Variants in AGO3 observed in about 807,000 individuals in gnomAD.
AGO3 encodes protein argonaute-3.
A neutral mutation model predicts 105.5 loss-of-function variants in AGO3; 16 were observed. That is an observed-to-expected ratio of 0.15 (90% CI 0.10 to 0.23). The LOEUF is 0.23. Ranked by LOEUF, AGO3 falls within the 10% of genes least tolerant of loss-of-function variation. The pLI is 1.00. For missense variants in AGO3, 534 were observed against 1,088.0 expected (o/e 0.49, Z 7.16); for synonymous variants, 340 against 367.3 (o/e 0.93, Z 0.85).
At chr1:36,039,738 T>G in intron 14 of AGO3, 52 bp from the exon 15 acceptor site, 9 of 1,114,594 alleles carry the variant, frequency 8.1e-6, no homozygotes, top group East Asian at 3.1e-5. Context: ...GTAATTTTGA[T>G]TATCATTTAT....
At chr1:35,965,173 T>G (rs530704258) in intron 2 of AGO3, among the ~76,000 whole-genome samples, 13 of 151,704 alleles carry the variant, frequency 8.6e-5, no homozygotes, top group African/African-American at 2.4e-4. Flanking sequence ...TCCCAACAAA[T>G]TAGATCTGTA....
chr1:35,955,971 A>G (rs558102385), intron 2 of AGO3, among the ~76,000 whole-genome samples: 8 of 152,172 alleles, frequency 5.3e-5, no homozygotes, highest in South Asian at 4.1e-4. Context: ...CTGACCATCT[A>G]ATGTGGAATA....
chr1:36,022,252 A>T (rs528146098), intron 11 of AGO3, among the ~76,000 whole-genome samples: 39 of 151,876 alleles, frequency 2.6e-4, no homozygotes, highest in African/African-American at 8.7e-4. Context: ...TTTTTTGTAG[A>T]GACAAAATCT....
At chr1:35,992,279 G>T (rs1569656875) in intron 5 of AGO3, 1 of 152,396 alleles carries the variant, frequency 6.6e-6, no homozygotes, top group East Asian at 1.9e-4. Context: ...AGCCTCTGTT[G>T]TATCTCTTCC....
chr1:36,042,979 G>T (rs1047608232), intron 16 of AGO3, among the ~76,000 whole-genome samples: 6 of 152,150 alleles, frequency 3.9e-5, no homozygotes, highest in Non-Finnish European at 8.8e-5. Context: ...GAAATAATGT[G>T]TTCAAAGTGC....
At chr1:35,973,908 C>T (rs1007997153) in intron 5 of AGO3, among the ~76,000 whole-genome samples, 3 of 152,150 alleles carry the variant, frequency 2.0e-5, no homozygotes, top group African/African-American at 7.2e-5. Context: ...ATGCTAATTG[C>T]ATTCTTGTTT....
chr1:36,017,627 G>A lies in AGO3; in HGVS notation c.1406+3579G>A, dbSNP rs274730. 5.2e-3 allele frequency among the ~76,000 whole-genome samples: 796 copies of A among 152,210 alleles called. 10 individuals carry two copies. The highest frequency in any genetic ancestry group is 0.018 in the African/African-American group (728 of 41,534). ...ATTAACTCCAAACCATAGGCCAGGC[G>A]CAGTGGCTCACACCTGTAATCTGCA... is the stretch of plus-strand genomic sequence containing the variant. On this transcript the variant is annotated intron_variant, in intron 11 of 18. Coordinates refer to ENST00000373191, the MANE Select transcript of AGO3 (RefSeq NM_024852.4).
At chr1:36,037,060 G>A (rs1642044323) in intron 14 of AGO3, among the ~76,000 whole-genome samples, 1 of 150,342 alleles carries the variant, frequency 6.7e-6, no homozygotes, top group African/African-American at 2.5e-5. Context: ...TTTGCTCTCT[G>A]TGTTTGTAAC....
chr1:36,043,555 C>T lies in AGO3; in HGVS notation c.2274+7C>T. On this transcript the variant is annotated splice_region_variant and intron_variant, in intron 17 of 18. Transcript: ENST00000373191. ...TAGCCATGCTGGAATACAGGTAAGCCTACACTTTGGGTAAAATATTTTAAT... is the reference window on the plus strand; with the variant it reads ...TAGCCATGCTGGAATACAGGTAAGCTTACACTTTGGGTAAAATATTTTAAT... The T allele has an allele frequency of 6.3e-7, 1 of 1,586,656 alleles. No homozygotes were observed. Among genetic ancestry groups the T allele is most frequent in the Non-Finnish European group, 8.6e-7 (1 of 1,165,108 alleles).
rs1415363264 is a variant in AGO3, at chr1:36,014,005, G to A, written c.1363G>A (p.Ala455Thr). Residue 455 changes from alanine to threonine, a missense_variant, in exon 11 of 19, where the codon GCT becomes ACT. By Grantham distance (58) the Ala-to-Thr change is moderately conservative (BLOSUM62 0). This residue lies in a region of AGO3 where 373 missense variants were observed against 854.0 expected (regional missense o/e 0.44). Coordinates refer to ENST00000373191, the MANE Select transcript of AGO3 (RefSeq NM_024852.4). ...AGTTGAAATCAAAATGTGGGCTATCGCTTGTTTTGCCACACAGAGGCAGTG... is the reference window on the plus strand; with the variant it reads ...AGTTGAAATCAAAATGTGGGCTATCACTTGTTTTGCCACACAGAGGCAGTG... Reference protein sequence around the residue: ...TGVEIKMWAIACFATQRQCRE... With the variant: ...TGVEIKMWAITCFATQRQCRE... The A allele has an allele frequency of 1.9e-5, 31 of 1,614,080 alleles. No individual in the cohort carries two copies. The highest frequency in any genetic ancestry group is 2.4e-5 in the Non-Finnish European group (28 of 1,180,016).
intron 5 of AGO3, among the ~76,000 whole-genome samples, chr1:35,992,853 C>T (rs1194315689): frequency 1.3e-5 from 2 of 152,180 alleles, no homozygotes; most frequent in Admixed American, 6.5e-5. Flanking sequence ...CATGAGGCTG[C>T]ATTCATCTCA....
At chr1:35,990,560 C>T (rs1647539644) in intron 5 of AGO3, among the ~76,000 whole-genome samples, 1 of 151,936 alleles carries the variant, frequency 6.6e-6, no homozygotes, top group South Asian at 2.1e-4. Flanking sequence ...TGTAGCTGTC[C>T]GTAAAACATT....
chr1:36,038,252 C>CTTTTTTTTTTTTTT (rs781058020), intron 14 of AGO3, among the ~76,000 whole-genome samples: 1 of 112,656 alleles, frequency 8.9e-6, no homozygotes, highest in Non-Finnish European at 1.7e-5. Context: ...TGGATTTATT[C>CTTTTTTTTTTTTTT]TTTTTTTTTT....
At position 36,005,954 on chromosome 1, in the gene AGO3, C is replaced by G; in HGVS notation, c.793+1479C>G. On this transcript the variant is annotated intron_variant, in intron 6 of 18. Coordinates refer to ENST00000373191, the MANE Select transcript of AGO3 (RefSeq NM_024852.4). ...GGGAGGGACCTGGGCAGAGAATTAT[C>G]TAGTCCACTTTTTAAAAATTTCAAC... The G allele has an allele frequency of 5.3e-6, 5 of 937,644 alleles. No homozygotes were observed. The African/African-American group carries it at 5.3e-5, about 10-fold the overall frequency. The allele number at this position is 937,644 out of a possible 1,614,324, so 58.1% of individuals were successfully genotyped here. A position where few individuals can be genotyped will look rare whatever the true frequency, so the allele number is the denominator to read the frequency against.
intron 1 of AGO3, among the ~76,000 whole-genome samples, chr1:35,942,780 A>G (rs1265632323): frequency 1.3e-5 from 2 of 152,202 alleles, no homozygotes; most frequent in Non-Finnish European, 2.9e-5. Context: ...TTTTGTGTAT[A>G]GTCAGTAGTG....
chr1:36,050,830 T>C (rs1642686853), intron 17 of AGO3, among the ~76,000 whole-genome samples: 1 of 151,396 alleles, frequency 6.6e-6, no homozygotes, highest in Non-Finnish European at 1.5e-5. Context: ...TTTGATTTCT[T>C]TCGTTTTGTT....
rs1642884839 is a variant in AGO3, at chr1:36,055,434, T to C, written c.2475-203T>C. Among the ~76,000 whole-genome samples the C allele has an allele frequency of 6.6e-6, 1 of 152,192 alleles. No homozygotes were observed. Among genetic ancestry groups the C allele is most frequent in the African/African-American group, 2.4e-5 (1 of 41,450 alleles). On this transcript the variant is annotated intron_variant, in intron 18 of 18. Transcript: ENST00000373191. This position sits in a 1 kb window ranked among gnomAD's most constrained non-coding sequence, Gnocchi z 4.4. ...ATACGATATCTAGGTTTGCTTCTAA[T>C]TAATTCTGGGGAGGTGAGAGAAGTA...
chr1:35,988,876 A>G (rs1451341108), intron 5 of AGO3, among the ~76,000 whole-genome samples: 1 of 152,236 alleles, frequency 6.6e-6, no homozygotes, highest in African/African-American at 2.4e-5. Context: ...TAAAGGCTGC[A>G]ACAAGGGTTT....
At chr1:35,966,912 A>G (rs774662392) in intron 2 of AGO3, 43 bp from the exon 3 acceptor site, 6 of 1,553,010 alleles carry the variant, frequency 3.9e-6, no homozygotes, top group Middle Eastern at 1.7e-4. Context: ...TTTATATTTC[A>G]TCTTACAGAG....
Sources: allele counts gnomAD v4.1 joint callset (sites outside exome capture counted in the v4.1 genomes callset), GRCh38; gene constraint gnomAD v4.1.1; regional missense constraint gnomAD v4.1.1; non-coding constraint Gnocchi (gnomAD v3.1); transcripts MANE v1.5; gene names NCBI Gene and HGNC (gene_info 2026-07-23, HGNC 2026-07-21).